The following PRKG1 variants were observed in gnomAD, a reference collection of about 807,000 sequenced individuals.
PRKG1 encodes protein kinase cGMP-dependent 1, also known as cGMP-dependent protein kinase 1.
PRKG1 carries 35 observed loss-of-function variants against 88.1 expected under a neutral mutation model. The observed-to-expected ratio is 0.40, with a 90% confidence interval of 0.30 to 0.53. The LOEUF (loss-of-function observed/expected upper bound fraction) is 0.53. PRKG1 is among the 20% of genes least tolerant of loss of function. PRKG1 has a pLI of 0.59. For synonymous variants in PRKG1, 303 were observed against 292.5 expected, an observed-to-expected ratio of 1.04 and a Z score of -0.37; for missense variants, 540 against 839.8, an observed-to-expected ratio of 0.64 and a Z score of 4.41.
intron 9 of PRKG1, among the ~76,000 whole-genome samples, chr10:52,243,453 A>G (rs780062184): frequency 1.3e-5 from 2 of 152,182 alleles, no homozygotes; most frequent in Non-Finnish European, 2.9e-5. Flanking sequence ...AAAAAAAGCA[A>G]TGTGGAGGTT....
intron 3 of PRKG1, among the ~76,000 whole-genome samples, chr10:51,772,894 A>G (rs73347245): frequency 0.029 from 4,426 of 152,180 alleles, 197 homozygotes; most frequent in African/African-American, 0.097. Flanking sequence ...GAAAGTAAAC[A>G]TCATAAAGGT....
chr10:52,101,633 A>T (rs1233205717), intron 7 of PRKG1, among the ~76,000 whole-genome samples: 1 of 152,214 alleles, frequency 6.6e-6, no homozygotes, highest in Non-Finnish European at 1.5e-5. Flanking sequence ...TGACTCATTT[A>T]GTCTTCAGAC....
At chr10:51,401,415 C>G (rs1837736839) in intron 2 of PRKG1, among the ~76,000 whole-genome samples, 1 of 152,080 alleles carries the variant, frequency 6.6e-6, no homozygotes, top group African/African-American at 2.4e-5. Context: ...CTGCATGAAT[C>G]CTTGTAATAT....
chr10:52,006,737 C>A (rs1305395128), intron 5 of PRKG1, among the ~76,000 whole-genome samples: 1 of 152,140 alleles, frequency 6.6e-6, no homozygotes, highest in African/African-American at 2.4e-5. Context: ...CCCAACCTTG[C>A]TAGAGAGGCC....
chr10:51,048,529 A>G (rs1843519321), intron 1 of PRKG1, among the ~76,000 whole-genome samples: 2 of 152,152 alleles, frequency 1.3e-5, no homozygotes, highest in Admixed American at 6.5e-5. Flanking sequence ...CTTCGTTTAT[A>G]TGATTTGAGC....
In PRKG1 at chr10:51,392,725, T is replaced by G. The variant is rs555341799; in HGVS notation, c.479-74998T>G. The stretch of plus-strand genomic sequence containing the variant: ...AGGGGCGGCCGGGCAGAGGCGCCCC[T>G]CACCTCCCGGACGGGGCGGCTGGCC... On this transcript the variant is annotated intron_variant, in intron 2 of 17. Transcript: ENST00000373980. Among the ~76,000 whole-genome samples the G allele has an allele frequency of 2.6e-4, 39 of 149,816 alleles. No homozygotes were observed. In the East Asian group the frequency reaches 7.9e-3, roughly 30 times the overall value.
chr10:51,206,490 TAAAAAAA>T (rs772696558), intron 2 of PRKG1, among the ~76,000 whole-genome samples: 7 of 126,176 alleles, frequency 5.5e-5, no homozygotes, highest in Non-Finnish European at 1.0e-4. Flanking sequence ...AAACTCCATC[TAAAAAAA>T]AAAAAAAAAG....
intron 3 of PRKG1, among the ~76,000 whole-genome samples, chr10:51,549,833 C>T (rs1482168467): frequency 1.3e-5 from 2 of 152,034 alleles, no homozygotes; most frequent in East Asian, 1.9e-4. Context: ...TTTAGCCTTC[C>T]GATAAGGCAA....
At chr10:51,481,957 G>A (rs778701887) in intron 3 of PRKG1, among the ~76,000 whole-genome samples, 1 of 151,808 alleles carries the variant, frequency 6.6e-6, no homozygotes, top group Non-Finnish European at 1.5e-5. Flanking sequence ...TTTTTTTTTA[G>A]TTCATATACA....
chr10:51,438,609 A>G (rs1405077314), intron 2 of PRKG1, among the ~76,000 whole-genome samples: 3 of 151,936 alleles, frequency 2.0e-5, no homozygotes, highest in Non-Finnish European at 4.4e-5. Flanking sequence ...GTAGAGTACC[A>G]TCTTAATCAT....
At chr10:51,793,453 A>G (rs368579063) in intron 3 of PRKG1, among the ~76,000 whole-genome samples, 1 of 152,274 alleles carries the variant, frequency 6.6e-6, no homozygotes, top group African/African-American at 2.4e-5. Flanking sequence ...GAAGAAAAGA[A>G]AGATAAAGAG....
At chr10:51,318,207 G>T (rs894198627) in intron 2 of PRKG1, among the ~76,000 whole-genome samples, 1 of 152,140 alleles carries the variant, frequency 6.6e-6, no homozygotes, top group Non-Finnish European at 1.5e-5. Context: ...CTTGATGTGT[G>T]AAAATATGGA....
intron 14 of PRKG1, among the ~76,000 whole-genome samples, chr10:52,283,768 G>A (rs1249837629): frequency 6.6e-6 from 1 of 152,046 alleles, no homozygotes; most frequent in East Asian, 1.9e-4. Flanking sequence ...ACATATGTGT[G>A]TGGATGGATA....
At chr10:51,835,450 G>A (rs147062258) in intron 4 of PRKG1, among the ~76,000 whole-genome samples, 1 of 152,314 alleles carries the variant, frequency 6.6e-6, no homozygotes, top group African/African-American at 2.4e-5. Context: ...ACTAGGTCCA[G>A]TTTGCTATTA....
intron 3 of PRKG1, among the ~76,000 whole-genome samples, chr10:51,613,058 C>T (rs180759989): frequency 3.3e-4 from 50 of 151,812 alleles, no homozygotes; most frequent in Admixed American, 1.6e-3. Context: ...ATGTTCATTA[C>T]GGTATTGGCC....
At chr10:51,772,269 A>G (rs1201986339) in intron 3 of PRKG1, among the ~76,000 whole-genome samples, 1 of 152,146 alleles carries the variant, frequency 6.6e-6, no homozygotes, top group African/African-American at 2.4e-5. Context: ...CTCCATTTGG[A>G]TTAATTTATT....
chr10:52,099,681 T>C (rs1847251831), intron 7 of PRKG1, among the ~76,000 whole-genome samples: 1 of 152,288 alleles, frequency 6.6e-6, no homozygotes, highest in South Asian at 2.1e-4. Context: ...TGATACAGGG[T>C]CATCTATAAG....
At chr10:51,034,156 C>A (rs540273198) in intron 1 of PRKG1, among the ~76,000 whole-genome samples, 2 of 152,258 alleles carry the variant, frequency 1.3e-5, no homozygotes, top group South Asian at 4.1e-4. Context: ...AGGTGGCAAG[C>A]ACTCTTCATG....
chr10:51,374,107 T>TATATATATATATATATATATATATATAG (rs1842766443), intron 2 of PRKG1, among the ~76,000 whole-genome samples: 1 of 141,946 alleles, frequency 7.0e-6, no homozygotes, highest in Non-Finnish European at 1.5e-5. Flanking sequence ...TATATATATA[T>TATATATATATATATATATATATATATAG]ATATATGTAC....
Sources: allele counts gnomAD v4.1 joint callset (sites outside exome capture counted in the v4.1 genomes callset), GRCh38; gene constraint gnomAD v4.1.1; transcripts MANE v1.5; gene names NCBI Gene and HGNC (gene_info 2026-07-23, HGNC 2026-07-21).